Variants in VWA8 observed in about 807,000 individuals in gnomAD.
VWA8 encodes the protein von Willebrand factor A domain-containing protein 8.
In VWA8, 221 loss-of-function variants were observed where a neutral mutation model predicts 241.5. The observed-to-expected ratio is 0.91, with a 90% CI of 0.82 to 1.02. The LOEUF (loss-of-function observed/expected upper bound fraction) is 1.02. Among genes scored for constraint, VWA8 ranks in the 50% least tolerant of loss-of-function variants. The probability of loss-of-function intolerance (pLI) is 0.00; values close to 1 mark genes in which losing one functional copy is unlikely to be tolerated. For missense variants in VWA8, 2,322 were observed against 2,328.7 expected, an observed-to-expected ratio of 1.00 and a Z score of 0.06; for synonymous variants, 852 against 827.1, an observed-to-expected ratio of 1.03 and a Z score of -0.52.
intron 19 of VWA8, among the ~76,000 whole-genome samples, chr13:41,779,564 C>T (rs746385298): frequency 1.0e-3 from 153 of 152,184 alleles, no homozygotes; most frequent in Non-Finnish European, 1.7e-3. Flanking sequence ...AATAATTATG[C>T]TGGGACAACA....
At chr13:41,808,421 G>A (rs2137970631) in intron 17 of VWA8, among the ~76,000 whole-genome samples, 1 of 152,240 alleles carries the variant, frequency 6.6e-6, no homozygotes, top group African/African-American at 2.4e-5. Context: ...AGGCAACGGG[G>A]GAACAAGCAC....
intron 2 of VWA8, among the ~76,000 whole-genome samples, chr13:41,921,124 G>A (rs571018336): frequency 6.6e-6 from 1 of 152,168 alleles, no homozygotes; most frequent in South Asian, 2.1e-4. Context: ...ATGCAAGGCT[G>A]GTTCAACATA....
intron 9 of VWA8, among the ~76,000 whole-genome samples, chr13:41,879,275 T>A (rs1030549573): frequency 1.3e-5 from 2 of 151,966 alleles, no homozygotes; most frequent in African/African-American, 4.8e-5. Context: ...TGAATTAATC[T>A]CCCCATTTCC....
intron 17 of VWA8, among the ~76,000 whole-genome samples, chr13:41,808,798 A>G (rs1337370565): frequency 1.3e-5 from 2 of 152,312 alleles, no homozygotes; most frequent in East Asian, 1.9e-4. Context: ...CTCAAACTGG[A>G]AAGGAAAAAA....
At chr13:41,689,217 G>T in intron 34 of VWA8, 137 bp downstream of exon 34, 1 of 964,662 alleles carries the variant, frequency 1.0e-6, no homozygotes, top group Non-Finnish European at 1.5e-6. Flanking sequence ...TCTACTGACT[G>T]ATTTGGAAGG....
intron 9 of VWA8, among the ~76,000 whole-genome samples, chr13:41,868,859 G>A (rs1280728714): frequency 8.3e-6 from 1 of 120,656 alleles, no homozygotes; most frequent in Non-Finnish European, 1.6e-5. Flanking sequence ...CTGCACTCCA[G>A]CATGGGCAAA....
chr13:41,571,323 CTCCCGTCTCCCTCTCCCTCTCCCGT>C (rs2044301587), intron 43 of VWA8, among the ~76,000 whole-genome samples: 1 of 109,828 alleles, frequency 9.1e-6, no homozygotes. Flanking sequence ...CCCTCTCCCT[CTCCCGTCTCCCTCTCCCTCTCCCGT>C]CTCCCTCTCC....
intron 20 of VWA8, among the ~76,000 whole-genome samples, chr13:41,775,976 T>C (rs1868574764): frequency 6.6e-6 from 1 of 152,154 alleles, no homozygotes; most frequent in Non-Finnish European, 1.5e-5. Flanking sequence ...ACCTGCTCAA[T>C]TGCAAGTGCT....
rs1258232695 is a variant in VWA8 at position 41,863,452 on chromosome 13, TATTC to T, written c.1425+2280_1425+2283del. On this transcript the variant is annotated intron_variant, in intron 12 of 44. Coordinates refer to ENST00000379310, the MANE Select transcript of VWA8 (RefSeq NM_015058.2). The stretch of plus-strand genomic sequence containing the variant: ...GTGTGTGTATATATATATATATATA[TATTC>T]ACACACACACACACACTATATATAT... Among the ~76,000 whole-genome samples, 16 of 105,442 alleles carry T rather than the reference TATTC, an allele frequency of 1.5e-4. 2 individuals carry two copies. The highest frequency in any genetic ancestry group is 6.3e-4 in the South Asian group (2 of 3,190). 69.2% of individuals were successfully genotyped at this position (105,442 alleles called of 152,430 possible).
At chr13:41,599,273 T>A (rs1469927646) in intron 40 of VWA8, among the ~76,000 whole-genome samples, 1 of 152,160 alleles carries the variant, frequency 6.6e-6, no homozygotes, top group East Asian at 1.9e-4. Flanking sequence ...GTTTTGGTAG[T>A]GCAGTTTTAG....
At chr13:41,705,385 T>C (rs1460005654) in intron 26 of VWA8, among the ~76,000 whole-genome samples, 1 of 152,200 alleles carries the variant, frequency 6.6e-6, no homozygotes, top group African/African-American at 2.4e-5. Flanking sequence ...CATTTCTGTG[T>C]TAATAGGCCA....
intron 4 of VWA8, among the ~76,000 whole-genome samples, chr13:41,906,248 G>A (rs749818821): frequency 2.0e-5 from 3 of 152,020 alleles, no homozygotes; most frequent in African/African-American, 4.8e-5. Context: ...TAATTATAAC[G>A]TAACAGTGTG....
chr13:41,610,739 TC>T (rs1566386683), intron 39 of VWA8, among the ~76,000 whole-genome samples: 1 of 152,152 alleles, frequency 6.6e-6, no homozygotes, highest in Non-Finnish European at 1.5e-5. Flanking sequence ...TACTACCAGG[TC>T]CTGGAATCTA....
chr13:41,618,663 A>G (rs371880301), intron 37 of VWA8, among the ~76,000 whole-genome samples: 3 of 152,140 alleles, frequency 2.0e-5, no homozygotes, highest in South Asian at 2.1e-4. Flanking sequence ...AAGGTGTAAG[A>G]AAGGGATCCA....
chr13:41,636,790 T>G (rs1439437846), intron 37 of VWA8, among the ~76,000 whole-genome samples: 2 of 152,220 alleles, frequency 1.3e-5, no homozygotes, highest in Non-Finnish European at 2.9e-5. Flanking sequence ...AAGACATTTA[T>G]GCAGCCAAAA....
intron 17 of VWA8, among the ~76,000 whole-genome samples, chr13:41,794,618 G>A (rs1454445259): frequency 6.6e-6 from 1 of 152,142 alleles, no homozygotes; most frequent in African/African-American, 2.4e-5. Flanking sequence ...ATTTGGATGT[G>A]CTTTATTTCT....
At chr13:41,796,892 T>G (rs1593778474) in intron 17 of VWA8, among the ~76,000 whole-genome samples, 1 of 152,304 alleles carries the variant, frequency 6.6e-6, no homozygotes, top group African/African-American at 2.4e-5. Context: ...TTTCTTCTTT[T>G]GATGTCTGAT....
intron 16 of VWA8, 22 bp downstream of exon 16, chr13:41,816,676 T>G: frequency 5.0e-6 from 8 of 1,595,876 alleles, no homozygotes; most frequent in Admixed American, 1.7e-5. Flanking sequence ...TAGAAAATCC[T>G]GTGGAAAAAG....
At chr13:41,920,807 A>C (rs1876488201) in intron 2 of VWA8, among the ~76,000 whole-genome samples, 1 of 152,162 alleles carries the variant, frequency 6.6e-6, no homozygotes, top group Non-Finnish European at 1.5e-5. Context: ...GCTACCAACC[A>C]AAAAAAGTCC....
Sources: allele counts gnomAD v4.1 joint callset (sites outside exome capture counted in the v4.1 genomes callset), GRCh38; gene constraint gnomAD v4.1.1; transcripts MANE v1.5; gene names NCBI Gene and HGNC (gene_info 2026-07-23, HGNC 2026-07-21).